The following WWOX variants were observed in gnomAD, a reference collection of about 807,000 sequenced individuals.
WWOX encodes WW domain-containing oxidoreductase.
In WWOX, 69 loss-of-function variants were observed where a neutral mutation model predicts 46.2. The observed-to-expected ratio is 1.49, with a 90% CI of 1.23 to 1.82. WWOX has a LOEUF of 1.82. WWOX is among the 40% of genes most tolerant of loss of function. The pLI is 0.00. For missense variants in WWOX, 919 were observed against 542.6 expected (o/e 1.69, Z -6.89); for synonymous variants, 359 against 202.6 (o/e 1.77, Z -6.56).
At chr16:78,750,484 T>C (rs1312655556) in intron 8 of WWOX, among the ~76,000 whole-genome samples, 1 of 152,220 alleles carries the variant, frequency 6.6e-6, no homozygotes, top group Non-Finnish European at 1.5e-5. Context: ...TATTTTATTT[T>C]ATTTTTTATT....
intron 8 of WWOX, among the ~76,000 whole-genome samples, chr16:79,037,051 T>A (rs975329023): frequency 7.9e-5 from 12 of 152,188 alleles, no homozygotes; most frequent in Non-Finnish European, 1.8e-4. Flanking sequence ...GGCACTCTGT[T>A]AAGAATGCAG....
intron 8 of WWOX, among the ~76,000 whole-genome samples, chr16:78,979,919 G>C (rs1441394240): frequency 6.6e-6 from 1 of 152,154 alleles, no homozygotes; most frequent in East Asian, 1.9e-4. Context: ...ACAAGGTCAG[G>C]AGATTGAGAC....
At chr16:79,049,720 C>G (rs1030328594) in intron 8 of WWOX, among the ~76,000 whole-genome samples, 3 of 151,814 alleles carry the variant, frequency 2.0e-5, no homozygotes, top group Admixed American at 2.0e-4. Context: ...CCTGTAATCC[C>G]AGCCACTTGG....
At chr16:78,195,776 C>G (rs751195792) in intron 5 of WWOX, among the ~76,000 whole-genome samples, 2 of 144,188 alleles carry the variant, frequency 1.4e-5, no homozygotes, top group African/African-American at 5.2e-5. Flanking sequence ...GAGCTGAGAT[C>G]GCACCACTGC....
rs559454570 is a variant in WWOX at position 78,755,271 on chromosome 16, G to T, written c.1056+322519G>T. Among the ~76,000 whole-genome samples, 315 of 150,952 alleles carry T rather than the reference G, an allele frequency of 2.1e-3. 3 individuals carry two copies. The highest frequency in any genetic ancestry group is 7.1e-3 in the African/African-American group (290 of 41,018). On this transcript the variant is annotated intron_variant, in intron 8 of 8. Transcript: ENST00000566780. The stretch of plus-strand genomic sequence containing the variant: ...AAGAAAAAGAAAACACCGGAAAAAA[G>T]AGACTCTCTTCCTTGAAGGATTTAA...
intron 8 of WWOX, among the ~76,000 whole-genome samples, chr16:78,609,538 C>T (rs562977200): frequency 0.01 from 1,521 of 145,314 alleles, 27 homozygotes; most frequent in African/African-American, 0.036. Context: ...TTCTTTCTTT[C>T]TTTTCTTTTT....
intron 8 of WWOX, among the ~76,000 whole-genome samples, chr16:78,666,779 G>C (rs1330112192): frequency 2.0e-5 from 3 of 152,174 alleles, no homozygotes; most frequent in Non-Finnish European, 2.9e-5. Context: ...GGAGAGATTA[G>C]TGATTGAAAG....
At chr16:78,920,464 G>A (rs552645966) in intron 8 of WWOX, among the ~76,000 whole-genome samples, 15 of 152,188 alleles carry the variant, frequency 9.9e-5, no homozygotes, top group South Asian at 2.1e-4. Context: ...TGTGATTTTC[G>A]CTGACCCCGA....
chr16:78,530,669 G>A (rs1029785818), intron 8 of WWOX, among the ~76,000 whole-genome samples: 4 of 152,314 alleles, frequency 2.6e-5, no homozygotes, highest in East Asian at 1.9e-4. Flanking sequence ...TTGGGCCACA[G>A]TTCCAGGCTT....
In WWOX at chr16:78,413,196, G is replaced by A. The variant is rs547833725; in HGVS notation, c.606-11674G>A. Among the ~76,000 whole-genome samples, 26 of 152,284 alleles carry A rather than the reference G, an allele frequency of 1.7e-4. No homozygotes were observed. The South Asian group carries it at 2.1e-3, about 12-fold the overall frequency. On this transcript the variant is annotated intron_variant, in intron 6 of 8. Transcript: ENST00000566780. ...TTGTACTACTCAAATCAATCTCCCC[G>A]AGAATTCAGGGATCGGAGTCTTTAA...
chr16:79,053,111 C>G (rs1342008499), intron 8 of WWOX, among the ~76,000 whole-genome samples: 3 of 151,856 alleles, frequency 2.0e-5, no homozygotes, highest in African/African-American at 7.3e-5. Flanking sequence ...TGATCATGTT[C>G]TTCACAATAT....
At chr16:78,524,869 T>C (rs1400948099) in intron 8 of WWOX, among the ~76,000 whole-genome samples, 49 of 145,202 alleles carry the variant, frequency 3.4e-4, no homozygotes, top group East Asian at 7.9e-4. Flanking sequence ...TTCTTTCTTT[T>C]TTTTTTTTTT....
chr16:78,445,188 C>A (rs1403558711), intron 8 of WWOX, among the ~76,000 whole-genome samples: 1 of 152,118 alleles, frequency 6.6e-6, no homozygotes, highest in African/African-American at 2.4e-5. Context: ...TTCTTTTTAT[C>A]CAGAAGCCAT....
chr16:78,186,405 G>A (rs542162783), intron 5 of WWOX, among the ~76,000 whole-genome samples: 2 of 152,160 alleles, frequency 1.3e-5, no homozygotes, highest in African/African-American at 4.8e-5. Flanking sequence ...AGTTTAACCT[G>A]ACAGTTGATC....
intron 8 of WWOX, among the ~76,000 whole-genome samples, chr16:78,662,507 G>C (rs779368074): frequency 6.6e-6 from 1 of 152,068 alleles, no homozygotes; most frequent in Non-Finnish European, 1.5e-5. Flanking sequence ...TGCTCATCCC[G>C]ATACCACTAT....
intron 8 of WWOX, among the ~76,000 whole-genome samples, chr16:78,924,607 A>G (rs2045456610): frequency 6.6e-6 from 1 of 152,178 alleles, no homozygotes; most frequent in Admixed American, 6.5e-5. Context: ...AAAAACATAT[A>G]TCAGAGTCCT....
At chr16:78,422,244 T>A (rs562612779) in intron 6 of WWOX, among the ~76,000 whole-genome samples, 97 of 152,266 alleles carry the variant, frequency 6.4e-4, no homozygotes, top group African/African-American at 2.0e-3. Context: ...GTTCCACTGT[T>A]TTAGAGAGCA....
intron 8 of WWOX, among the ~76,000 whole-genome samples, chr16:79,069,684 A>G (rs1247772760): frequency 6.6e-6 from 1 of 152,154 alleles, no homozygotes; most frequent in African/African-American, 2.4e-5. Context: ...TCAGTGTGCA[A>G]ATAGAAAGTA....
Position 78,126,636 on chromosome 16 carries a change from C to T in WWOX, c.409+11482C>T, listed in dbSNP as rs139269203. On this transcript the variant is annotated intron_variant, in intron 4 of 8. Coordinates refer to ENST00000566780, the MANE Select transcript of WWOX (RefSeq NM_016373.4). The stretch of plus-strand genomic sequence containing the variant: ...TATTACTTTAAGTACCTGTTCAATC[C>T]TGTGATCAAGAGGAAATTCACAGAG... 1.0e-3 allele frequency among the ~76,000 whole-genome samples: 157 copies of T among 152,238 alleles called. 1 individual carries two copies. Among genetic ancestry groups the T allele is most frequent in the African/African-American group, 3.7e-3 (152 of 41,528 alleles).
Sources: gnomAD v4.1 joint callset for allele counts (sites outside exome capture counted in the v4.1 genomes callset) on GRCh38, gnomAD v4.1.1 for gene constraint, MANE v1.5 for transcripts, NCBI Gene and HGNC (gene_info 2026-07-23, HGNC 2026-07-21) for gene names.